Variants in PIGN observed in about 807,000 individuals in gnomAD.
PIGN encodes the protein phosphatidylinositol glycan anchor biosynthesis class N.
In PIGN, 117 loss-of-function variants were observed where a neutral mutation model predicts 125.4. The observed-to-expected ratio is 0.93, with a 90% CI of 0.80 to 1.09. PIGN has a LOEUF of 1.09. Ranked by LOEUF, PIGN falls within the 50% of genes least tolerant of loss-of-function variation. PIGN has a pLI of 0.00. For missense variants in PIGN, 1,075 were observed against 1,094.9 expected (o/e 0.98, Z 0.26); for synonymous variants, 392 against 377.8 (o/e 1.04, Z -0.44).
At chr18:62,076,626 C>G (rs2145802600) in intron 28 of PIGN, among the ~76,000 whole-genome samples, 1 of 152,164 alleles carries the variant, frequency 6.6e-6, no homozygotes, top group Non-Finnish European at 1.5e-5. Context: ...AATCTGTGGT[C>G]CATTTTGAGT....
intron 1 of PIGN, among the ~76,000 whole-genome samples, chr18:62,174,757 G>A (rs984175245): frequency 6.6e-6 from 1 of 151,728 alleles, no homozygotes; most frequent in African/African-American, 2.4e-5. Flanking sequence ...TTTTAAAAGT[G>A]GTTTAGGTAA....
At chr18:62,180,880 T>C (rs2037693594) in intron 1 of PIGN, among the ~76,000 whole-genome samples, 1 of 152,162 alleles carries the variant, frequency 6.6e-6, no homozygotes, top group Non-Finnish European at 1.5e-5. Flanking sequence ...GGTGTGAGTT[T>C]TTTGTGTCTT....
At chr18:62,145,086 A>T (rs2036274619) in intron 10 of PIGN, among the ~76,000 whole-genome samples, 1 of 152,088 alleles carries the variant, frequency 6.6e-6, no homozygotes, top group Non-Finnish European at 1.5e-5. Context: ...TTTCTTCATA[A>T]AATTATCATA....
rs2146580770 is a variant in PIGN at position 62,113,327 on chromosome 18, A to T, written c.1252-11T>A. On this transcript the variant is annotated splice_polypyrimidine_tract_variant and intron_variant, in intron 15 of 30. Transcript: ENST00000640252. The stretch of plus-strand genomic sequence containing the variant: ...CTTGCAAAGGGAGACCTATGGAGAA[A>T]AAACATATATAACTTGCTAACAGAA... The T allele has an allele frequency of 6.4e-7, 1 of 1,574,056 alleles. No individual in the cohort carries two copies. The highest frequency in any genetic ancestry group is 1.4e-5 in the African/African-American group (1 of 72,798).
At chr18:62,033,641 C>G (rs945782557) in intron 23 of PIGN, among the ~76,000 whole-genome samples, 2 of 152,106 alleles carry the variant, frequency 1.3e-5, no homozygotes, top group Non-Finnish European at 2.9e-5. Context: ...CCTCAAGCCC[C>G]TTCTCAATTG....
intron 28 of PIGN, among the ~76,000 whole-genome samples, chr18:62,077,928 T>C (rs1168853387): frequency 6.6e-6 from 1 of 152,212 alleles, no homozygotes; most frequent in Non-Finnish European, 1.5e-5. Context: ...AATGGCCATA[T>C]TCTCCCTTAG....
chr18:62,066,640 C>T (rs766926240), intron 30 of PIGN, among the ~76,000 whole-genome samples: 5 of 152,086 alleles, frequency 3.3e-5, no homozygotes, highest in Admixed American at 6.5e-5. Flanking sequence ...TTCAGGACTC[C>T]GATCTCAGAT....
At chr18:62,058,746 T>C (rs923971406) in intron 30 of PIGN, 2 of 152,218 alleles carry the variant, frequency 1.3e-5, no homozygotes, top group Non-Finnish European at 2.9e-5. Flanking sequence ...TGTAATATAT[T>C]GCTATTTATG....
intron 30 of PIGN, among the ~76,000 whole-genome samples, chr18:62,071,382 A>G (rs1281754963): frequency 6.6e-6 from 1 of 152,166 alleles, no homozygotes; most frequent in Non-Finnish European, 1.5e-5. Flanking sequence ...TCCTCCCCAC[A>G]GCATTCCATG....
intron 1 of PIGN, among the ~76,000 whole-genome samples, chr18:62,173,850 A>G (rs1342899718): frequency 1.3e-5 from 2 of 152,190 alleles, no homozygotes; most frequent in Admixed American, 6.5e-5. Flanking sequence ...ATCCTTTCCA[A>G]TTGGAACACA....
chr18:62,045,679 A>T lies in PIGN; in HGVS notation c.*177T>A. ...CTATTTCATGCCTGCAAAACCTAGA[A>T]AAAAAAAGAAGCTCCTTTGTTCCAG... On this transcript the variant is annotated 3_prime_UTR_variant, in exon 31 of 31. Transcript: ENST00000640252. 1.9e-6 allele frequency: 1 copy of T among 531,712 alleles called. No individual in the cohort carries two copies. The highest frequency in any genetic ancestry group is 3.2e-6 in the Non-Finnish European group (1 of 316,736). The allele number at this position is 531,712 out of a possible 1,614,324, so 32.9% of individuals were successfully genotyped here.
chr18:62,091,658 A>C (rs1471831485), intron 23 of PIGN, among the ~76,000 whole-genome samples: 4 of 152,206 alleles, frequency 2.6e-5, no homozygotes, highest in Non-Finnish European at 1.5e-5. Flanking sequence ...TAAAATGGAC[A>C]CAAAAACAAA....
rs533143209 is a variant in PIGN at position 62,044,559 on chromosome 18, A to G, written c.*1297T>C. 6.6e-6 allele frequency: 1 copy of G among 152,206 alleles called. No homozygotes were observed. Among genetic ancestry groups the G allele is most frequent in the Admixed American group, 6.5e-5 (1 of 15,286 alleles). 9.4% of individuals were successfully genotyped at this position (152,206 alleles called of 1,614,324 possible). A position where few individuals can be genotyped will look rare whatever the true frequency, so the allele number is the denominator to read the frequency against. On this transcript the variant is annotated 3_prime_UTR_variant, in exon 31 of 31. Transcript: ENST00000640252. ...ATACCATAAAGTAGTATTACAAATAAATTATGACTATACTTCATCATAAAT... is the reference window on the plus strand; with the variant it reads ...ATACCATAAAGTAGTATTACAAATAGATTATGACTATACTTCATCATAAAT...
chr18:62,056,391 A>G (rs1288657379), intron 30 of PIGN, among the ~76,000 whole-genome samples: 1 of 152,024 alleles, frequency 6.6e-6, no homozygotes, highest in Non-Finnish European at 1.5e-5. Flanking sequence ...TTTGGTTCTC[A>G]TCAGTGTCTC....
At chr18:62,056,198 A>C (rs1404507197) in intron 30 of PIGN, among the ~76,000 whole-genome samples, 1 of 151,642 alleles carries the variant, frequency 6.6e-6, no homozygotes, top group Non-Finnish European at 1.5e-5. Flanking sequence ...AGTTTCTACA[A>C]AACTAAAGTA....
chr18:62,076,296 T>C (rs770537179), intron 28 of PIGN, among the ~76,000 whole-genome samples: 4 of 152,236 alleles, frequency 2.6e-5, no homozygotes, highest in Non-Finnish European at 5.9e-5. Flanking sequence ...CATTGTCTTA[T>C]TTGCCATCTG....
In PIGN at chr18:62,144,663, C is replaced by A. The variant is rs150374481; in HGVS notation, c.922+1246G>T. ...TATTAGCCCACTCTATAAAATGTAT[C>A]CTGCTCCATAAGGGAAACTTCTAGG... On this transcript the variant is annotated intron_variant, in intron 10 of 30. Transcript: ENST00000640252. 3.5e-4 allele frequency among the ~76,000 whole-genome samples: 53 copies of A among 152,320 alleles called. 1 individual carries two copies. The highest frequency in any genetic ancestry group is 1.3e-3 in the African/African-American group (52 of 41,572).
chr18:62,185,913 A>C (rs2037943581), intron 1 of PIGN, among the ~76,000 whole-genome samples: 1 of 152,230 alleles, frequency 6.6e-6, no homozygotes, highest in African/African-American at 2.4e-5. Flanking sequence ...AAATAGTTCT[A>C]AGTTCCAAAA....
chr18:62,039,148 T>G (rs1240174640), downstream of PIGN, among the ~76,000 whole-genome samples: 1 of 151,956 alleles, frequency 6.6e-6, no homozygotes, highest in Non-Finnish European at 1.5e-5. Context: ...ACACTTCTAA[T>G]GCATTTATGT....
Sources: gnomAD v4.1 joint callset for allele counts (sites outside exome capture counted in the v4.1 genomes callset) on GRCh38, gnomAD v4.1.1 for gene constraint, MANE v1.5 for transcripts, NCBI Gene and HGNC (gene_info 2026-07-23, HGNC 2026-07-21) for gene names.